HSD17B3: variants seen among roughly 807,000 people sequenced by gnomAD.
The protein encoded by HSD17B3 is 17-beta-hydroxysteroid dehydrogenase type 3.
A neutral mutation model predicts 41.1 loss-of-function variants in HSD17B3; 29 were observed. That is an observed-to-expected ratio of 0.71 (90% CI 0.53 to 0.96). HSD17B3 has a LOEUF of 0.96. HSD17B3 is among the 40% of genes least tolerant of loss of function. HSD17B3 has a pLI of 0.00. For missense variants in HSD17B3, 323 were observed against 374.6 expected (o/e 0.86, Z 1.14); for synonymous variants, 126 against 145.6 (o/e 0.87, Z 0.97).
intron 9 of HSD17B3, 114 bp from the exon 10 acceptor site, chr9:96,241,021 A>G: frequency 7.8e-7 from 1 of 1,285,902 alleles, no homozygotes; most frequent in South Asian, 1.2e-5. Context: ...CTTCCTAGGC[A>G]AAGTTTTAAG....
chr9:96,241,442 T>A (rs1836435009), intron 9 of HSD17B3, among the ~76,000 whole-genome samples: 1 of 152,180 alleles, frequency 6.6e-6, no homozygotes, highest in South Asian at 2.1e-4. Flanking sequence ...GGATTCCCAC[T>A]TTCACACTTC....
At chr9:96,285,346 GT>G (rs1826877220) in intron 2 of HSD17B3, among the ~76,000 whole-genome samples, 1 of 152,092 alleles carries the variant, frequency 6.6e-6, no homozygotes, top group Non-Finnish European at 1.5e-5. Context: ...TTTTAAGTTT[GT>G]TTCTGCAATT....
intron 2 of HSD17B3, among the ~76,000 whole-genome samples, chr9:96,282,938 T>A (rs2130779449): frequency 6.6e-6 from 1 of 152,064 alleles, no homozygotes; most frequent in African/African-American, 2.4e-5. Context: ...AGAAGTATTT[T>A]ATTCAGTTTT....
chr9:96,284,878 G>A lies in HSD17B3; in HGVS notation c.201+13538C>T, dbSNP rs1453784106. Among the ~76,000 whole-genome samples, 14 of 147,128 alleles carry A rather than the reference G, an allele frequency of 9.5e-5. 2 individuals carry two copies. Among genetic ancestry groups the A allele is most frequent in the Admixed American group, 6.9e-4 (10 of 14,520 alleles). On this transcript the variant is annotated intron_variant, in intron 2 of 10. Transcript: ENST00000375263. ...TTTTGAAACGGAGTCTTGCTCTGTC[G>A]ACCAGGCTGGAGTGCAGTGGCGTGA...
chr9:96,290,456 CTTT>C (rs61373611), intron 2 of HSD17B3, among the ~76,000 whole-genome samples: 3 of 78,418 alleles, frequency 3.8e-5, no homozygotes, highest in Non-Finnish European at 6.5e-5. Context: ...ATTTCCTGGG[CTTT>C]TTTTTTTTTT....
chr9:96,239,945 G>A (rs1205551677), intron 10 of HSD17B3: 4 of 152,106 alleles, frequency 2.6e-5, no homozygotes, highest in Non-Finnish European at 5.9e-5. Context: ...AGCCCACTGC[G>A]ATCATTCTCA....
chr9:96,278,153 G>T (rs1311740983), intron 2 of HSD17B3, among the ~76,000 whole-genome samples: 1 of 152,058 alleles, frequency 6.6e-6, no homozygotes, highest in Non-Finnish European at 1.5e-5. Context: ...GAGATCTAGA[G>T]AACTAATAGA....
At chr9:96,239,575 T>TTA (rs1836353904) in intron 10 of HSD17B3, 1 of 152,220 alleles carries the variant, frequency 6.6e-6, no homozygotes, top group South Asian at 2.1e-4. Context: ...GCCAGAGTCT[T>TTA]TAAGTCCCAG....
intron 2 of HSD17B3, among the ~76,000 whole-genome samples, chr9:96,282,616 G>A (rs1456597711): frequency 6.6e-6 from 1 of 152,186 alleles, no homozygotes; most frequent in Non-Finnish European, 1.5e-5. Context: ...TCTGCCTGGT[G>A]TGTCCTGAGC....
chr9:96,294,430 T>A lies in HSD17B3; in HGVS notation c.201+3986A>T, dbSNP rs538424569. ...GGTGAAGACTGGAACCCACAGCTCC[T>A]GACCCCCAGGGCCATTGCTTTGTGA... On this transcript the variant is annotated intron_variant, in intron 2 of 10. Coordinates refer to ENST00000375263, the MANE Select transcript of HSD17B3 (RefSeq NM_000197.2). 3.3e-5 allele frequency among the ~76,000 whole-genome samples: 5 copies of A among 152,328 alleles called. No individual in the cohort carries two copies. In the South Asian group the frequency reaches 1.0e-3, roughly 32 times the overall value.
At chr9:96,248,375 C>T (rs1405782676) in intron 6 of HSD17B3, among the ~76,000 whole-genome samples, 2 of 152,188 alleles carry the variant, frequency 1.3e-5, no homozygotes, top group Admixed American at 1.3e-4. Context: ...GTCTACTCTG[C>T]CTCCATTTCC....
At chr9:96,286,176 T>C (rs8190521) in intron 2 of HSD17B3, among the ~76,000 whole-genome samples, 1 of 152,092 alleles carries the variant, frequency 6.6e-6, no homozygotes, top group East Asian at 1.9e-4. Context: ...AAACTCCATC[T>C]CTACTAAAAC....
rs10545828 is a variant in HSD17B3, at chr9:96,300,607, T to TTGTGTGTGTGTGTGTGTG, written c.154+1326_154+1343dup. On this transcript the variant is annotated intron_variant, in intron 1 of 10. Transcript: ENST00000375263. ...TTAATCATTTTTGTCATTGGATTCTTTGTGTGTGTGTGTGTGTGTGTGTGT... is the reference window on the plus strand; with the variant it reads ...TTAATCATTTTTGTCATTGGATTCTTTGTGTGTGTGTGTGTGTGTGTGTGTGTGTGTGTGTGTGTGTGT... 6.4e-4 allele frequency among the ~76,000 whole-genome samples: 70 copies of TTGTGTGTGTGTGTGTGTG among 109,880 alleles called. 3 individuals are homozygous for TTGTGTGTGTGTGTGTGTG. Among genetic ancestry groups the TTGTGTGTGTGTGTGTGTG allele is most frequent in the Admixed American group, 3.6e-3 (30 of 8,358 alleles). 72.1% of individuals were successfully genotyped at this position (109,880 alleles called of 152,430 possible).
intron 2 of HSD17B3, among the ~76,000 whole-genome samples, chr9:96,255,307 T>G (rs1366660574): frequency 6.7e-6 from 1 of 149,410 alleles, no homozygotes; most frequent in Admixed American, 6.8e-5. Flanking sequence ...TACTATATCT[T>G]ATGTAGCAGG....
intron 2 of HSD17B3, among the ~76,000 whole-genome samples, chr9:96,277,200 C>CAAAA (rs59202692): frequency 7.2e-6 from 1 of 139,114 alleles, no homozygotes; most frequent in East Asian, 2.1e-4. Context: ...GACTCCAGCT[C>CAAAA]AAAAAAAAAA....
At chr9:96,274,795 C>A (rs542130980) in intron 2 of HSD17B3, among the ~76,000 whole-genome samples, 71 of 151,912 alleles carry the variant, frequency 4.7e-4, no homozygotes, top group African/African-American at 1.7e-3. Context: ...TATGGTATTC[C>A]AAAGAGAACA....
intron 2 of HSD17B3, among the ~76,000 whole-genome samples, chr9:96,290,838 C>T (rs1012587239): frequency 4.0e-5 from 6 of 151,270 alleles, no homozygotes; most frequent in East Asian, 1.9e-4. Flanking sequence ...GGCAAAAGAA[C>T]GAAACTCTGT....
chr9:96,251,562 A>AT, intron 4 of HSD17B3, 77 bp from the exon 5 acceptor site: 1 of 1,312,488 alleles, frequency 7.6e-7, no homozygotes, highest in South Asian at 1.2e-5. Context: ...GTACAAAAAG[A>AT]TTGACATGTA....
At chr9:96,292,186 A>G (rs1394633446) in intron 2 of HSD17B3, among the ~76,000 whole-genome samples, 6 of 152,152 alleles carry the variant, frequency 3.9e-5, no homozygotes, top group South Asian at 4.1e-4. Context: ...AAAAGCAATT[A>G]CCCAATATAA....
Sources: allele counts gnomAD v4.1 joint callset (sites outside exome capture counted in the v4.1 genomes callset), GRCh38; gene constraint gnomAD v4.1.1; transcripts MANE v1.5; gene names NCBI Gene and HGNC (gene_info 2026-07-23, HGNC 2026-07-21).